BMPR1A: variants seen among roughly 807,000 people sequenced by gnomAD.
The protein encoded by BMPR1A is bone morphogenetic protein receptor type 1A.
In BMPR1A, 7 loss-of-function variants were observed where a neutral mutation model predicts 66.0. The observed-to-expected ratio is 0.11, with a 90% CI of 0.06 to 0.20. The LOEUF (loss-of-function observed/expected upper bound fraction) is 0.20, where lower values mean the gene tolerates loss of function less well. Ranked by LOEUF, BMPR1A falls within the 10% of genes least tolerant of loss-of-function variation. The pLI is 1.00. For missense variants in BMPR1A, 408 were observed against 669.1 expected (o/e 0.61, Z 4.31); for synonymous variants, 200 against 229.7 (o/e 0.87, Z 1.17).
chr10:86,762,569 A>G (rs985813346), intron 1 of BMPR1A, among the ~76,000 whole-genome samples: 1 of 152,178 alleles, frequency 6.6e-6, no homozygotes, highest in Admixed American at 6.5e-5. Flanking sequence ...CTCGTGGGCC[A>G]GGCTGGTCTC....
At chr10:86,782,770 T>C (rs1841457144) in intron 1 of BMPR1A, among the ~76,000 whole-genome samples, 1 of 152,022 alleles carries the variant, frequency 6.6e-6, no homozygotes, top group Non-Finnish European at 1.5e-5. Flanking sequence ...ATCCAATACA[T>C]GATTTGCAAA....
intron 7 of BMPR1A, among the ~76,000 whole-genome samples, chr10:86,911,870 T>C (rs1161236684): frequency 1.3e-5 from 2 of 152,190 alleles, no homozygotes; most frequent in Non-Finnish European, 2.9e-5. Context: ...GAAGGCATTG[T>C]TTCATATCTA....
At chr10:86,889,565 C>A (rs1843118033) in intron 3 of BMPR1A, 1 of 163,066 alleles carries the variant, frequency 6.1e-6, no homozygotes, top group South Asian at 1.7e-4. Context: ...CAAGTGATGA[C>A]TATATACTTT....
intron 10 of BMPR1A, among the ~76,000 whole-genome samples, chr10:86,920,879 A>G: frequency 8.5e-6 from 1 of 117,324 alleles, no homozygotes; most frequent in African/African-American, 3.5e-5. Context: ...TTTTTGAGAG[A>G]GATTCTCACT....
At chr10:86,834,327 C>A (rs368815580) in intron 1 of BMPR1A, among the ~76,000 whole-genome samples, 2 of 152,090 alleles carry the variant, frequency 1.3e-5, no homozygotes, top group Non-Finnish European at 2.9e-5. Context: ...TCTATGCAAC[C>A]CAGTTTTGTA....
chr10:86,900,378 A>G (rs2133459619), intron 7 of BMPR1A, among the ~76,000 whole-genome samples: 1 of 150,556 alleles, frequency 6.6e-6, no homozygotes, highest in Middle Eastern at 3.5e-3. Flanking sequence ...GCTTTCTGGC[A>G]TCTGAATGTT....
At chr10:86,778,521 T>A (rs921626795) in intron 1 of BMPR1A, among the ~76,000 whole-genome samples, 8 of 152,172 alleles carry the variant, frequency 5.3e-5, no homozygotes, top group African/African-American at 1.9e-4. Flanking sequence ...AAAGATTGGA[T>A]ACCCCTACTG....
At chr10:86,804,300 G>A (rs1841854295) in intron 1 of BMPR1A, among the ~76,000 whole-genome samples, 1 of 152,112 alleles carries the variant, frequency 6.6e-6, no homozygotes, top group Admixed American at 6.5e-5. Context: ...AAGTGCAGTG[G>A]CGCGATCCTG....
At chr10:86,800,670 G>A (rs893995875) in intron 1 of BMPR1A, among the ~76,000 whole-genome samples, 1 of 152,198 alleles carries the variant, frequency 6.6e-6, no homozygotes, top group African/African-American at 2.4e-5. Context: ...TGGGATTACA[G>A]GCATGAGCCA....
rs537772282 is a variant in BMPR1A, at chr10:86,911,963, G to A, written c.531-277G>A. Among the ~76,000 whole-genome samples, 34 of 152,210 alleles carry A rather than the reference G, an allele frequency of 2.2e-4. No individual in the cohort carries two copies. In the South Asian group the frequency reaches 2.9e-3, roughly 13 times the overall value. On this transcript the variant is annotated intron_variant, in intron 7 of 12. Coordinates refer to ENST00000372037, the MANE Select transcript of BMPR1A (RefSeq NM_004329.3). ...ATGTATATTGTGATTATTTGAAGTC[G>A]TATTTTTTTATAGCTAGGATGACAC...
intron 1 of BMPR1A, among the ~76,000 whole-genome samples, chr10:86,817,466 C>G (rs1323309833): frequency 6.6e-6 from 1 of 152,170 alleles, no homozygotes; most frequent in Non-Finnish European, 1.5e-5. Context: ...TATGCATATA[C>G]CACATTTTGC....
chr10:86,931,928 C>T (rs757362361), downstream of BMPR1A: 2 of 152,180 alleles, frequency 1.3e-5, no homozygotes, highest in Admixed American at 1.3e-4. Flanking sequence ...CTATGCTTCT[C>T]ATATGTTTCA....
intron 3 of BMPR1A, among the ~76,000 whole-genome samples, chr10:86,881,607 C>T (rs1842987060): frequency 6.6e-6 from 1 of 152,198 alleles, no homozygotes; most frequent in Non-Finnish European, 1.5e-5. Context: ...GACAGCACAG[C>T]TCTCGAGCTA....
chr10:86,882,100 CAAG>C (rs750841367), intron 3 of BMPR1A, among the ~76,000 whole-genome samples: 5 of 151,612 alleles, frequency 3.3e-5, no homozygotes, highest in Non-Finnish European at 7.4e-5. Flanking sequence ...GGGAGTGAAA[CAAG>C]AAGGGCCATG....
At chr10:86,829,063 G>C (rs901326057) in intron 1 of BMPR1A, among the ~76,000 whole-genome samples, 1 of 152,036 alleles carries the variant, frequency 6.6e-6, no homozygotes, top group African/African-American at 2.4e-5. Flanking sequence ...CAGAACAGGA[G>C]GGATACGGAG....
intron 1 of BMPR1A, among the ~76,000 whole-genome samples, chr10:86,790,177 AAAAAAAAAAAAATATATATATATAT>A (rs1277491481): frequency 6.8e-5 from 3 of 44,060 alleles, no homozygotes; most frequent in Admixed American, 3.7e-4. Context: ...AAAAAAAAAA[AAAAAAAAAAAAATATATATATATAT>A]ATATATATAT....
intron 2 of BMPR1A, among the ~76,000 whole-genome samples, chr10:86,847,627 A>G (rs1298391872): frequency 2.0e-5 from 3 of 151,738 alleles, no homozygotes; most frequent in Non-Finnish European, 4.4e-5. Flanking sequence ...AGGTGGGAGG[A>G]TTGCTTGAGG....
At chr10:86,922,508 A>C (rs967420949) in intron 11 of BMPR1A, among the ~76,000 whole-genome samples, 7 of 152,338 alleles carry the variant, frequency 4.6e-5, no homozygotes, top group Middle Eastern at 6.8e-3. Context: ...TTTCACTTGA[A>C]GGACCACAGG....
downstream of BMPR1A, chr10:86,931,271 ATATAT>A (rs1264302468): frequency 8.2e-5 from 8 of 97,610 alleles, no homozygotes; most frequent in Admixed American, 8.0e-4. Context: ...AAAAATATAT[ATATAT>A]ATATACACAC....
Sources: allele counts gnomAD v4.1 joint callset (sites outside exome capture counted in the v4.1 genomes callset), GRCh38; gene constraint gnomAD v4.1.1; transcripts MANE v1.5; gene names NCBI Gene and HGNC (gene_info 2026-07-23, HGNC 2026-07-21).